Variants in NUP188 observed in about 807,000 individuals in gnomAD.
NUP188 encodes the protein nucleoporin 188.
NUP188 carries 97 observed loss-of-function variants against 223.0 expected under a neutral mutation model. The observed-to-expected ratio is 0.43, with a 90% confidence interval of 0.37 to 0.51. NUP188 has a LOEUF of 0.51. NUP188 is among the 20% of genes least tolerant of loss of function. The pLI is 0.00. For missense variants in NUP188, 1,947 were observed against 2,175.6 expected, an observed-to-expected ratio of 0.89 and a Z score of 2.09; for synonymous variants, 869 against 828.0, an observed-to-expected ratio of 1.05 and a Z score of -0.85.
At position 129,005,234 on chromosome 9, in the gene NUP188, T is replaced by C. The variant is rs780259968; in HGVS notation, c.4509+13T>C. 4 of 1,613,796 alleles carry C rather than the reference T, an allele frequency of 2.5e-6. No homozygotes were observed. The East Asian group carries it at 6.7e-5, about 27-fold the overall frequency. ...GCATTACTTACAGGTAAGCGTCCTATGCCATGAGGTCCTGGAATACCTCAC... is the reference window on the plus strand; with the variant it reads ...GCATTACTTACAGGTAAGCGTCCTACGCCATGAGGTCCTGGAATACCTCAC... On this transcript the variant is annotated intron_variant, in intron 39 of 43. Coordinates refer to ENST00000372577, the MANE Select transcript of NUP188 (RefSeq NM_015354.3).
rs1455558267 is a variant in NUP188 at position 129,006,803 on chromosome 9, T to C, written c.*125T>C. On this transcript the variant is annotated 3_prime_UTR_variant, in exon 44 of 44. Transcript: ENST00000372577. The stretch of plus-strand genomic sequence containing the variant: ...ACCTCCTGTCACCCCCCTCCCGGAG[T>C]AGCCACGACTCCAGCCACCACCCAC... 9.4e-6 allele frequency: 9 copies of C among 960,008 alleles called. No individual in the cohort carries two copies. In the Admixed American group the frequency reaches 1.1e-4, roughly 12 times the overall value. 59.5% of individuals were successfully genotyped at this position (960,008 alleles called of 1,614,324 possible).
Position 128,967,933 on chromosome 9 carries a change from T to C in NUP188, c.586-573T>C, listed in dbSNP as rs1163729818. Among the ~76,000 whole-genome samples the C allele has an allele frequency of 3.3e-5, 5 of 152,204 alleles. No homozygotes were observed. The East Asian group carries it at 9.7e-4, about 29-fold the overall frequency. On this transcript the variant is annotated intron_variant, in intron 8 of 43. Transcript: ENST00000372577. ...CTGTGGGTGTACTCTGGGTGTACTC[T>C]GGGTGACAGAGCGAGACCCTCTCTC...
At chr9:128,995,257 G>C in intron 29 of NUP188, 62 bp from the exon 30 acceptor site, 2 of 1,368,634 alleles carry the variant, frequency 1.5e-6, no homozygotes, top group Non-Finnish European at 2.1e-6. Flanking sequence ...ACAAGGGTCT[G>C]TACCCATTAT....
intron 14 of NUP188, 38 bp downstream of exon 14, chr9:128,980,763 A>G: frequency 6.2e-7 from 1 of 1,604,954 alleles, no homozygotes; most frequent in Non-Finnish European, 8.5e-7. Flanking sequence ...AGAATGGGAG[A>G]TTCTTTATGG....
chr9:128,977,137 TTA>T, intron 12 of NUP188, among the ~76,000 whole-genome samples: 1 of 150,496 alleles, frequency 6.6e-6, no homozygotes. Context: ...TTTTTTTTTT[TTA>T]GACGGAGTCT....
At chr9:128,987,851 C>A (rs1268583775) in intron 23 of NUP188, 134 bp downstream of exon 23, 1 of 1,259,980 alleles carries the variant, frequency 7.9e-7, no homozygotes, top group Non-Finnish European at 1.1e-6. Context: ...CCTTTACATA[C>A]CCTAGTGGCT....
chr9:128,978,113 T>G (rs1842204074), intron 12 of NUP188, among the ~76,000 whole-genome samples: 1 of 152,040 alleles, frequency 6.6e-6, no homozygotes, highest in South Asian at 2.1e-4. Context: ...GGTACACTTC[T>G]GTAACCCAGT....
At chr9:128,975,686 AT>A (rs767307285) in intron 12 of NUP188, among the ~76,000 whole-genome samples, 29 of 144,952 alleles carry the variant, frequency 2.0e-4, no homozygotes, top group Non-Finnish European at 3.9e-4. Flanking sequence ...CGTCTGGCGA[AT>A]TTTTGTATTT....
intron 31 of NUP188, 104 bp downstream of exon 31, chr9:128,998,332 C>G: frequency 8.7e-7 from 1 of 1,151,154 alleles, no homozygotes; most frequent in South Asian, 1.2e-5. Flanking sequence ...ATAGTCAGGT[C>G]ACAGGGCTCA....
At chr9:128,985,682 G>A (rs539412826) in intron 20 of NUP188, among the ~76,000 whole-genome samples, 5 of 152,310 alleles carry the variant, frequency 3.3e-5, no homozygotes, top group Admixed American at 1.3e-4. Context: ...ATTGAGAAGA[G>A]GGTCATGCAT....
intron 8 of NUP188, among the ~76,000 whole-genome samples, chr9:128,963,467 A>G (rs1841982833): frequency 6.6e-6 from 1 of 151,112 alleles, no homozygotes; most frequent in African/African-American, 2.4e-5. Context: ...TGTATTTTTA[A>G]TACTGGGATT....
At chr9:128,996,402 G>A (rs1440914812) in intron 30 of NUP188, among the ~76,000 whole-genome samples, 2 of 152,000 alleles carry the variant, frequency 1.3e-5, no homozygotes, top group South Asian at 2.1e-4. Context: ...CACCCACCTC[G>A]GCCTCCCAAA....
chr9:128,953,307 G>A (rs563023496), intron 3 of NUP188, among the ~76,000 whole-genome samples: 1 of 152,258 alleles, frequency 6.6e-6, no homozygotes, highest in East Asian at 1.9e-4. Context: ...TATTCTTTGG[G>A]TGAATATATA....
In NUP188 at chr9:128,986,856, G is replaced by C. The variant is rs372967524; in HGVS notation, c.2245G>C (p.Glu749Gln). ...LIHAILNLCH[E>Q]TDLHSSHTPS... is the part of the protein sequence containing the mutation. ...TCATGCGATACTGAACCTGTGCCAC[G>C]AGACAGACCTGCACAGCAGGTAATG... The change falls in exon 22 of 44, where the codon GAG becomes CAG. Residue 749 changes from glutamate to glutamine, a missense_variant. Glu to Gln is a conservative substitution (Grantham distance 29). Around this residue, in one of 3 missense-constraint regions of NUP188, gnomAD observed 225 missense variants for 319.1 expected, o/e 0.71. Transcript: ENST00000372577. 11 of 1,614,030 alleles carry C rather than the reference G, an allele frequency of 6.8e-6. No homozygotes were observed. In the South Asian group the frequency reaches 1.2e-4, roughly 18 times the overall value.
At chr9:128,996,787 C>G (rs1179516770) in intron 30 of NUP188, among the ~76,000 whole-genome samples, 1 of 152,068 alleles carries the variant, frequency 6.6e-6, no homozygotes, top group Non-Finnish European at 1.5e-5. Flanking sequence ...CAAAGGAAAC[C>G]TATCTGGCTC....
Position 128,983,045 on chromosome 9 carries a change from T to C in NUP188, c.1796+17T>C. ...GCTGCAGCGGTGAGTCTGTCTTGGC[T>C]GACCCTCAGCTGCCCAGTAGAGATC... On this transcript the variant is annotated intron_variant, in intron 17 of 43. Coordinates refer to ENST00000372577, the MANE Select transcript of NUP188 (RefSeq NM_015354.3). 2 of 1,613,548 alleles carry C rather than the reference T, an allele frequency of 1.2e-6. No individual in the cohort carries two copies. Among genetic ancestry groups the C allele is most frequent in the Non-Finnish European group, 1.7e-6 (2 of 1,179,862 alleles).
intron 20 of NUP188, among the ~76,000 whole-genome samples, chr9:128,985,693 G>GA (rs1020112562): frequency 1.3e-5 from 2 of 152,140 alleles, no homozygotes; most frequent in Non-Finnish European, 2.9e-5. Context: ...GGTCATGCAT[G>GA]AAAAAAACTA....
At chr9:128,975,784 C>T (rs894660633) in intron 12 of NUP188, among the ~76,000 whole-genome samples, 3 of 151,776 alleles carry the variant, frequency 2.0e-5, no homozygotes, top group Admixed American at 1.3e-4. Flanking sequence ...TCCCAAAGTG[C>T]TGGGATTACA....
At chr9:128,977,482 C>T (rs531130935) in intron 12 of NUP188, among the ~76,000 whole-genome samples, 11 of 152,216 alleles carry the variant, frequency 7.2e-5, no homozygotes, top group Admixed American at 2.0e-4. Context: ...GTATGCTAAG[C>T]TCTGTGCTAA....
Sources: gnomAD v4.1 joint callset for allele counts (sites outside exome capture counted in the v4.1 genomes callset) on GRCh38, gnomAD v4.1.1 for gene constraint, gnomAD v4.1.1 regional missense constraint, MANE v1.5 for transcripts, NCBI Gene and HGNC (gene_info 2026-07-23, HGNC 2026-07-21) for gene names.